The following SUGCT variants were observed in gnomAD, a reference collection of about 807,000 sequenced individuals.
The protein encoded by SUGCT is succinyl-CoA:glutarate-CoA transferase, also known as succinyl-CoA:glutarate CoA-transferase.
In SUGCT, 41 loss-of-function variants were observed where a neutral mutation model predicts 55.0. That is an observed-to-expected ratio of 0.74 (90% CI 0.58 to 0.97). The LOEUF (loss-of-function observed/expected upper bound fraction) is 0.97. SUGCT is among the 50% of genes least tolerant of loss of function. The pLI, the probability that SUGCT is intolerant of heterozygous loss-of-function variation, is 0.00. For missense variants in SUGCT, 568 were observed against 547.8 expected, an observed-to-expected ratio of 1.04 and a Z score of -0.37; for synonymous variants, 187 against 200.4, an observed-to-expected ratio of 0.93 and a Z score of 0.56.
chr7:40,913,007 A>AT, the SUGCT span, among the ~76,000 whole-genome samples: 4 of 127,844 alleles, frequency 3.1e-5, no homozygotes, highest in African/African-American at 1.4e-4. Context: ...TGCTGGATCC[A>AT]ATTTTTTTTT....
At chr7:40,916,063 CTCTA>C in the SUGCT span, among the ~76,000 whole-genome samples, 1 of 92,776 alleles carries the variant, frequency 1.1e-5, no homozygotes, top group Non-Finnish European at 2.1e-5. Context: ...CTCTCTCTCT[CTCTA>C]CATACACACA....
intron 8 of SUGCT, among the ~76,000 whole-genome samples, chr7:40,301,223 C>T (rs1333560648): frequency 6.6e-6 from 1 of 152,120 alleles, no homozygotes; most frequent in Non-Finnish European, 1.5e-5. Flanking sequence ...GTCTCAGCAC[C>T]TAGCACGGTG....
At chr7:40,313,312 A>G (rs796634051) in intron 8 of SUGCT, among the ~76,000 whole-genome samples, 6 of 152,350 alleles carry the variant, frequency 3.9e-5, no homozygotes, top group African/African-American at 1.4e-4. Context: ...GAATGCATAT[A>G]CAGTATATAG....
At chr7:40,437,871 C>G (rs535429554) in intron 9 of SUGCT, among the ~76,000 whole-genome samples, 1 of 151,924 alleles carries the variant, frequency 6.6e-6, no homozygotes, top group Admixed American at 6.6e-5. Context: ...CCCTGGGAAG[C>G]CTTGAAGTTT....
intron 7 of SUGCT, among the ~76,000 whole-genome samples, chr7:40,266,196 T>TTTC (rs1227689580): frequency 6.8e-6 from 1 of 147,850 alleles, no homozygotes; most frequent in East Asian, 2.0e-4. Flanking sequence ...TTTTTTTTTT[T>TTTC]TTTTTGAGGT....
At chr7:40,182,083 T>G (rs1369794978) in intron 3 of SUGCT, 55 bp downstream of exon 3, 2 of 1,034,450 alleles carry the variant, frequency 1.9e-6, no homozygotes, top group African/African-American at 3.2e-5. Context: ...TATTTTAAAA[T>G]AATTCTCTAA....
chr7:40,852,381 C>T (rs1009034812), intron 13 of SUGCT, among the ~76,000 whole-genome samples: 11 of 152,100 alleles, frequency 7.2e-5, no homozygotes, highest in Non-Finnish European at 1.5e-4. Context: ...ATGATCTACC[C>T]ACAACAACCT....
chr7:40,480,197 C>T (rs891809222), intron 11 of SUGCT, among the ~76,000 whole-genome samples: 5 of 151,952 alleles, frequency 3.3e-5, no homozygotes, highest in South Asian at 2.1e-4. Context: ...TTTTTGTGTA[C>T]GGTGTCAGAT....
At chr7:40,473,739 G>T (rs1177362232) in intron 11 of SUGCT, among the ~76,000 whole-genome samples, 1 of 152,122 alleles carries the variant, frequency 6.6e-6, no homozygotes, top group Non-Finnish European at 1.5e-5. Flanking sequence ...TAACCCCCTT[G>T]GGGCATATCC....
the SUGCT span, among the ~76,000 whole-genome samples, chr7:40,996,062 G>C: frequency 3.8e-4 from 58 of 152,306 alleles, no homozygotes; most frequent in African/African-American, 1.4e-3. Context: ...GTCACAGATG[G>C]AGAAATATCT....
chr7:40,855,954 A>T (rs1794147624), intron 13 of SUGCT, among the ~76,000 whole-genome samples: 1 of 152,224 alleles, frequency 6.6e-6, no homozygotes, highest in Admixed American at 6.5e-5. Context: ...AAGCTTGTTT[A>T]AATGTTATTG....
chr7:40,140,402 CTATT>C (rs930478941), intron 1 of SUGCT, among the ~76,000 whole-genome samples: 23 of 151,580 alleles, frequency 1.5e-4, no homozygotes, highest in Admixed American at 5.3e-4. Flanking sequence ...ATCTATGTGT[CTATT>C]TATTTATTTA....
chr7:40,274,680 G>T, intron 8 of SUGCT, 24 bp downstream of exon 8: 1 of 1,606,742 alleles, frequency 6.2e-7, no homozygotes, highest in Non-Finnish European at 8.5e-7. Context: ...TAACATTTCA[G>T]ATAATGTTAT....
intron 6 of SUGCT, among the ~76,000 whole-genome samples, chr7:40,202,094 T>A (rs1348228631): frequency 6.6e-6 from 1 of 152,088 alleles, no homozygotes; most frequent in Admixed American, 6.6e-5. Context: ...CTCCTCAGCC[T>A]CTCGAGAAGC....
chr7:40,337,505 GCTTT>G (rs1796782324), intron 9 of SUGCT, among the ~76,000 whole-genome samples: 1 of 152,070 alleles, frequency 6.6e-6, no homozygotes, highest in African/African-American at 2.4e-5. Context: ...TTATGTAATG[GCTTT>G]CTTTGTCTCT....
At chr7:40,558,168 T>C (rs1168377603) in intron 12 of SUGCT, among the ~76,000 whole-genome samples, 3 of 151,708 alleles carry the variant, frequency 2.0e-5, no homozygotes, top group Non-Finnish European at 4.4e-5. Context: ...TTGTGCAGTG[T>C]AGGAATGTAA....
At chr7:40,628,732 TG>T (rs1187156883) in intron 12 of SUGCT, among the ~76,000 whole-genome samples, 1 of 113,354 alleles carries the variant, frequency 8.8e-6, no homozygotes, top group Non-Finnish European at 1.8e-5. Context: ...TTGTTCTGTG[TG>T]TGTGTGTGTG....
chr7:40,282,499 A>T (rs1246856527), intron 8 of SUGCT, among the ~76,000 whole-genome samples: 1 of 150,120 alleles, frequency 6.7e-6, no homozygotes, highest in African/African-American at 2.5e-5. Context: ...ACAAAAACAA[A>T]CAAACAAACA....
intron 6 of SUGCT, among the ~76,000 whole-genome samples, chr7:40,224,399 CGTGTGTGTGTGT>C (rs61318990): frequency 1.4e-5 from 2 of 145,390 alleles, no homozygotes; most frequent in South Asian, 2.2e-4. Flanking sequence ...ATAATCTGTG[CGTGTGTGTGTGT>C]GTGTGTGTGT....
Sources: allele counts gnomAD v4.1 joint callset (sites outside exome capture counted in the v4.1 genomes callset), GRCh38; gene constraint gnomAD v4.1.1; transcripts MANE v1.5; gene names NCBI Gene and HGNC (gene_info 2026-07-23, HGNC 2026-07-21).